DNPEP: variants seen among roughly 807,000 people sequenced by gnomAD.
DNPEP encodes aspartyl aminopeptidase.
Under a neutral mutation model 59.1 loss-of-function variants are expected in DNPEP, and 46 were observed. The ratio of observed to expected loss-of-function variants is 0.78; its 90% CI spans 0.61 to 0.99. DNPEP has a LOEUF of 0.99. Ranked by LOEUF, DNPEP falls within the 50% of genes least tolerant of loss-of-function variation. The pLI is 0.00. For synonymous variants in DNPEP, 229 were observed against 242.2 expected (o/e 0.95, Z 0.50); for missense variants, 617 against 649.9 (o/e 0.95, Z 0.55).
chr2:219,384,345 T>C, intron 9 of DNPEP, 21 bp downstream of exon 9: 1 of 1,598,952 alleles, frequency 6.3e-7, no homozygotes, highest in Admixed American at 1.7e-5. Context: ...ATGTGCTGCC[T>C]GGGGCGCCCC....
upstream of DNPEP, among the ~76,000 whole-genome samples, chr2:219,390,648 GT>G (rs1954002459): frequency 2.6e-5 from 4 of 152,316 alleles, no homozygotes; most frequent in South Asian, 8.3e-4. Flanking sequence ...GAGGTCAGGA[GT>G]TTGAGACTAG....
chr2:219,384,489 A>C (rs372276024), intron 8 of DNPEP, 46 bp from the exon 9 acceptor site: 2 of 1,521,618 alleles, frequency 1.3e-6, no homozygotes, highest in Non-Finnish European at 1.8e-6. Context: ...CTCCACCCCC[A>C]CTCACCTTTC....
upstream of DNPEP, among the ~76,000 whole-genome samples, chr2:219,393,047 C>T (rs943698967): frequency 1.1e-4 from 17 of 152,342 alleles, no homozygotes; most frequent in African/African-American, 3.6e-4. Context: ...TGCCTGGTCT[C>T]ACTTTAAACC....
chr2:219,388,619 G>A (rs568011203), upstream of DNPEP: 1 of 865,108 alleles, frequency 1.2e-6, no homozygotes, highest in East Asian at 1.2e-4. Context: ...TGCTGCCGCG[G>A]AGGTGCTAGG....
At chr2:219,375,425 G>C (rs1033071488) in intron 13 of DNPEP, among the ~76,000 whole-genome samples, 2 of 152,108 alleles carry the variant, frequency 1.3e-5, no homozygotes, top group Admixed American at 6.5e-5. Flanking sequence ...TATGATGCTA[G>C]ATATCAAGGT....
intron 13 of DNPEP, among the ~76,000 whole-genome samples, chr2:219,380,936 G>A (rs761257319): frequency 9.9e-5 from 15 of 151,816 alleles, no homozygotes; most frequent in Non-Finnish European, 1.8e-4. Context: ...ATACTCCCCA[G>A]CCCTGAACTT....
At chr2:219,392,309 C>T (rs759316588), upstream of DNPEP, among the ~76,000 whole-genome samples, 62 of 151,856 alleles carry the variant, frequency 4.1e-4, no homozygotes, top group South Asian at 4.2e-4. Flanking sequence ...AAGTCAGTTA[C>T]ATACACTTCA....
At position 219,375,745 on chromosome 2, in the gene DNPEP, A is replaced by G. The variant is rs115815405; in HGVS notation, c.1240-723T>C. Reference sequence around the variant, plus strand: ...TTCAGCTAATTATTGTATTTTCAGTAGAGACGAGATTTTGCCATATTGGCC... The same window carrying G: ...TTCAGCTAATTATTGTATTTTCAGTGGAGACGAGATTTTGCCATATTGGCC... On this transcript the variant is annotated intron_variant, in intron 13 of 14. Coordinates refer to ENST00000273075, the MANE Select transcript of DNPEP (RefSeq NM_012100.4). Among the ~76,000 whole-genome samples, 398 of 152,248 alleles carry G rather than the reference A, an allele frequency of 2.6e-3. 1 individual carries two copies. The highest frequency in any genetic ancestry group is 9.2e-3 in the African/African-American group (383 of 41,524).
rs1953620330 is a variant in DNPEP at position 219,381,974 on chromosome 2, C to T, written c.1097+5G>A. 4 of 1,614,026 alleles carry T rather than the reference C, an allele frequency of 2.5e-6. No homozygotes were observed. Among genetic ancestry groups the T allele is most frequent in the Non-Finnish European group, 3.4e-6 (4 of 1,179,916 alleles). ...AAGACTGTGTGACTGGCACTAGAGA[C>T]TCACAGGTAGTTGGGATGCACAGCA... On this transcript the variant is annotated splice_donor_5th_base_variant and intron_variant, in intron 11 of 14. Coordinates refer to ENST00000273075, the MANE Select transcript of DNPEP (RefSeq NM_012100.4).
chr2:219,376,504 AAG>A, intron 13 of DNPEP, among the ~76,000 whole-genome samples: 1 of 152,000 alleles, frequency 6.6e-6, no homozygotes, highest in Non-Finnish European at 1.5e-5. Flanking sequence ...AAAAAAGAAA[AAG>A]AAAAAAAAAG....
Position 219,384,462 on chromosome 2 carries a change from C to G in DNPEP, c.775-19G>C, listed in dbSNP as rs374131877. The G allele has an allele frequency of 2.5e-6, 4 of 1,600,928 alleles. No individual in the cohort carries two copies. In the African/African-American group the frequency reaches 4.0e-5, roughly 16 times the overall value. ...CCAAGACCTAGAGAGGTAAGACAGT[C>G]AGCCCGACCTTCAACCCTCCACCCC... On this transcript the variant is annotated intron_variant, in intron 8 of 14. Transcript: ENST00000273075.
intron 1 of DNPEP, among the ~76,000 whole-genome samples, chr2:219,397,771 G>T (rs552279136): frequency 2.7e-4 from 41 of 152,284 alleles, no homozygotes; most frequent in African/African-American, 9.1e-4. Flanking sequence ...TGTATTTTTA[G>T]TAGAGACAAG....
rs1274596866 is a variant in DNPEP at position 219,373,465 on chromosome 2, T to C, written c.*827A>G. 6.6e-6 allele frequency: 1 copy of C among 152,272 alleles called. No homozygotes were observed. The highest frequency in any genetic ancestry group is 1.5e-5 in the Non-Finnish European group (1 of 68,092). 9.4% of individuals were successfully genotyped at this position (152,272 alleles called of 1,614,324 possible). A position where few individuals can be genotyped will look rare whatever the true frequency, so the allele number is the denominator to read the frequency against. ...ACCTACGCCTCCTTGGTTCAAGCTA[T>C]TCTCCTGCCTCAGTCTCCTGAATAG... On this transcript the variant is annotated 3_prime_UTR_variant, in exon 15 of 15. Coordinates refer to ENST00000273075, the MANE Select transcript of DNPEP (RefSeq NM_012100.4).
intron 9 of DNPEP, among the ~76,000 whole-genome samples, chr2:219,383,870 A>G (rs1047381401): frequency 2.0e-5 from 3 of 152,192 alleles, no homozygotes; most frequent in African/African-American, 7.2e-5. Flanking sequence ...GGGCAAGAGG[A>G]GAGAAAGAAA....
intron 13 of DNPEP, among the ~76,000 whole-genome samples, chr2:219,379,493 T>A (rs1355497201): frequency 1.3e-5 from 2 of 151,974 alleles, no homozygotes; most frequent in African/African-American, 4.8e-5. Context: ...TAACGAAAAA[T>A]TTTAAAAATA....
rs778140462 is a variant in DNPEP at position 219,375,719 on chromosome 2, G to T, written c.1240-697C>A. ...TGGGATTACAGGCACGCACCACCACGTTCAGCTAATTATTGTATTTTCAGT... is the reference window on the plus strand; with the variant it reads ...TGGGATTACAGGCACGCACCACCACTTTCAGCTAATTATTGTATTTTCAGT... On this transcript the variant is annotated intron_variant, in intron 13 of 14. Transcript: ENST00000273075. Among the ~76,000 whole-genome samples the T allele has an allele frequency of 3.3e-5, 5 of 152,008 alleles. No individual in the cohort carries two copies. The East Asian group carries it at 9.6e-4, about 29-fold the overall frequency.
intron 1 of DNPEP, chr2:219,387,381 A>G: frequency 1.4e-6 from 2 of 1,434,460 alleles, no homozygotes; most frequent in Non-Finnish European, 1.8e-6. Context: ...CCCGCCCCTT[A>G]ATCCGAACTT....
chr2:219,377,136 T>C (rs1451974495), intron 13 of DNPEP, among the ~76,000 whole-genome samples: 2 of 151,808 alleles, frequency 1.3e-5, no homozygotes, highest in Non-Finnish European at 2.9e-5. Context: ...TAGCTGGGCA[T>C]CGTGGTGCAC....
chr2:219,386,122 GCC>G (rs749416029), intron 5 of DNPEP, 24 bp from the exon 6 acceptor site: 1 of 1,613,284 alleles, frequency 6.2e-7, no homozygotes, highest in South Asian at 1.1e-5. Context: ...GGCCAGGTCA[GCC>G]CAGGGTGCCT....
Sources: gnomAD v4.1 joint callset for allele counts (sites outside exome capture counted in the v4.1 genomes callset) on GRCh38, gnomAD v4.1.1 for gene constraint, MANE v1.5 for transcripts, NCBI Gene and HGNC (gene_info 2026-07-23, HGNC 2026-07-21) for gene names.